ANKRD30BL: variants seen among roughly 807,000 people sequenced by gnomAD.
The protein encoded by ANKRD30BL is ankyrin repeat domain 30B like, also known as putative ankyrin repeat domain-containing protein 30B-like.
Under a neutral mutation model 18.4 loss-of-function variants are expected in ANKRD30BL, and 20 were observed. The ratio of observed to expected loss-of-function variants is 1.09; its 90% CI spans 0.77 to 1.58. ANKRD30BL has a LOEUF of 1.58. ANKRD30BL is among the 40% of genes most tolerant of loss of function. The probability of loss-of-function intolerance (pLI) is 0.00; values close to 1 mark genes in which losing one functional copy is unlikely to be tolerated. For missense variants in ANKRD30BL, 224 were observed against 268.6 expected, an observed-to-expected ratio of 0.83 and a Z score of 1.16; for synonymous variants, 72 against 100.9, an observed-to-expected ratio of 0.71 and a Z score of 1.72.
At chr2:132,218,553 G>A (rs1410201228) in intron 1 of ANKRD30BL, among the ~76,000 whole-genome samples, 1 of 152,286 alleles carries the variant, frequency 6.6e-6, no homozygotes, top group Non-Finnish European at 1.5e-5. Flanking sequence ...GATAGAGCAG[G>A]TTTGAAACAC....
chr2:132,202,353 C>A (rs374454344), intron 1 of ANKRD30BL, among the ~76,000 whole-genome samples: 7 of 151,678 alleles, frequency 4.6e-5, no homozygotes, highest in Non-Finnish European at 1.0e-4. Flanking sequence ...TTATAAAATG[C>A]CTCATGGAAA....
intron 1 of ANKRD30BL, among the ~76,000 whole-genome samples, chr2:132,238,189 A>G (rs1349912196): frequency 6.6e-6 from 1 of 152,038 alleles, no homozygotes; most frequent in African/African-American, 2.4e-5. Flanking sequence ...TGCGTACTCA[A>G]CTCACAGAGT....
chr2:132,226,559 C>T (rs1000223895), intron 1 of ANKRD30BL, among the ~76,000 whole-genome samples: 2 of 151,076 alleles, frequency 1.3e-5, no homozygotes, highest in Non-Finnish European at 3.0e-5. Flanking sequence ...TGTGAGAAAC[C>T]TCTTTGTGAT....
upstream of ANKRD30BL, among the ~76,000 whole-genome samples, chr2:132,164,814 G>A (rs1383092922): frequency 6.6e-6 from 1 of 152,052 alleles, no homozygotes; most frequent in East Asian, 1.9e-4. Context: ...GCTCACGCCT[G>A]TAATCCCAGC....
upstream of ANKRD30BL, chr2:132,161,978 A>G (rs773694481): frequency 8.4e-6 from 3 of 358,584 alleles, no homozygotes; most frequent in Non-Finnish European, 1.5e-5. Context: ...GCAACTCAGC[A>G]GACCTGGGAG....
chr2:132,200,295 G>A (rs1489475340), intron 1 of ANKRD30BL, among the ~76,000 whole-genome samples: 9 of 151,420 alleles, frequency 5.9e-5, no homozygotes, highest in African/African-American at 1.5e-4. Flanking sequence ...TCTGGCCAGG[G>A]CAATCAGGCA....
At position 132,161,505 on chromosome 2, in the gene ANKRD30BL, T is replaced by C. The variant is rs1688057199; in HGVS notation, c.201A>G (p.Ile67Met). Residue 67 changes from isoleucine to methionine, a missense_variant, in exon 1 of 6, where the codon ATA (isoleucine) becomes ATG (methionine). Transcript: ENST00000409867. ...CCTGGTACCTCTTCTTCGCATCTCT[T>C]ATGTTCAGGTCCATTGTCGTCTTCT... ...MMKKTTMDLNIRDAKKRTALY... is the reference protein window; with the variant it reads ...MMKKTTMDLNMRDAKKRTALY... 2 of 1,456,468 alleles carry C rather than the reference T, an allele frequency of 1.4e-6. No individual in the cohort carries two copies. Among genetic ancestry groups the C allele is most frequent in the African/African-American group, 1.4e-5 (1 of 70,792 alleles). 90.2% of individuals were successfully genotyped at this position (1,456,468 alleles called of 1,614,324 possible). A position where few individuals can be genotyped will look rare whatever the true frequency, so the allele number is the denominator to read the frequency against.
chr2:132,223,139 C>G (rs1199595556), intron 1 of ANKRD30BL, among the ~76,000 whole-genome samples: 1 of 152,108 alleles, frequency 6.6e-6, no homozygotes, highest in Non-Finnish European at 1.5e-5. Flanking sequence ...GCAGCATTCT[C>G]ATTAACTTCT....
At chr2:132,177,635 A>C (rs907902434) in intron 1 of ANKRD30BL, among the ~76,000 whole-genome samples, 1 of 152,210 alleles carries the variant, frequency 6.6e-6, no homozygotes, top group African/African-American at 2.4e-5. Flanking sequence ...GTGATTAAAG[A>C]ATTTAATTTT....
At chr2:132,205,077 AAC>A (rs1019104648) in intron 1 of ANKRD30BL, among the ~76,000 whole-genome samples, 1 of 152,220 alleles carries the variant, frequency 6.6e-6, no homozygotes, top group African/African-American at 2.4e-5. Flanking sequence ...CAACTCGCAA[AAC>A]ACACAAATAT....
chr2:132,242,560 G>A (rs1030463988), intron 1 of ANKRD30BL, among the ~76,000 whole-genome samples: 16 of 151,678 alleles, frequency 1.1e-4, no homozygotes, highest in African/African-American at 3.9e-4. Context: ...AAACTAGACA[G>A]AAGAATTCTC....
rs549796977 is a variant in ANKRD30BL, at chr2:132,151,917, T to G, written c.615-941A>C. On this transcript the variant is annotated intron_variant, in intron 4 of 5. Coordinates refer to ENST00000409867, the MANE Select transcript of ANKRD30BL (RefSeq NM_001358416.1). ...AGTCTTTATCTACCTCCTTAAACTC[T>G]GAACCAACAAATCTTTGTTAGAATG... 2.6e-5 allele frequency among the ~76,000 whole-genome samples: 4 copies of G among 152,296 alleles called. No homozygotes were observed. In the East Asian group the frequency reaches 7.7e-4, roughly 29 times the overall value.
chr2:132,229,879 G>C (rs1365274090), intron 1 of ANKRD30BL, among the ~76,000 whole-genome samples: 1 of 152,030 alleles, frequency 6.6e-6, no homozygotes, highest in East Asian at 1.9e-4. Context: ...CCTTTCCATA[G>C]AGCAGTTTTG....
chr2:132,164,882 T>C (rs532353550), upstream of ANKRD30BL, among the ~76,000 whole-genome samples: 1 of 152,096 alleles, frequency 6.6e-6, no homozygotes, highest in African/African-American at 2.4e-5. Flanking sequence ...CCATCCTGGC[T>C]ACACGGTGAA....
intron 1 of ANKRD30BL, among the ~76,000 whole-genome samples, chr2:132,177,532 C>T (rs560931417): frequency 1.3e-5 from 2 of 152,244 alleles, no homozygotes; most frequent in South Asian, 4.1e-4. Flanking sequence ...TCAGTCAAGA[C>T]CTGGTAAGAC....
chr2:132,256,183 G>C (rs73957380), intron 1 of ANKRD30BL, among the ~76,000 whole-genome samples: 1 of 152,188 alleles, frequency 6.6e-6, no homozygotes, highest in Non-Finnish European at 1.5e-5. Context: ...GTTCTGATAG[G>C]ATCAACCAGG....
At chr2:132,252,817 G>A (rs887909761) in intron 1 of ANKRD30BL, among the ~76,000 whole-genome samples, 22 of 152,250 alleles carry the variant, frequency 1.4e-4, no homozygotes, top group South Asian at 6.2e-4. Context: ...ACCATGAGCT[G>A]CATGAGGCAT....
intron 1 of ANKRD30BL, among the ~76,000 whole-genome samples, chr2:132,170,952 C>G (rs1447762519): frequency 6.6e-6 from 1 of 152,050 alleles, no homozygotes; most frequent in African/African-American, 2.4e-5. Flanking sequence ...GTGAGGAGAT[C>G]GAGACCATCC....
chr2:132,163,587 T>C (rs1688130179), upstream of ANKRD30BL, among the ~76,000 whole-genome samples: 5 of 152,232 alleles, frequency 3.3e-5, no homozygotes, highest in Admixed American at 1.3e-4. Context: ...ATCTTATCTA[T>C]GTCGAATTGT....
Sources: gnomAD v4.1 joint callset for allele counts (sites outside exome capture counted in the v4.1 genomes callset) on GRCh38, gnomAD v4.1.1 for gene constraint, MANE v1.5 for transcripts, NCBI Gene and HGNC (gene_info 2026-07-23, HGNC 2026-07-21) for gene names.